Variants in FSIP1 observed in about 807,000 individuals in gnomAD.
FSIP1 encodes fibrous sheath-interacting protein 1.
A neutral mutation model predicts 60.9 loss-of-function variants in FSIP1; 65 were observed. The ratio of observed to expected loss-of-function variants is 1.07; its 90% CI spans 0.87 to 1.31. The LOEUF (loss-of-function observed/expected upper bound fraction) is 1.31, where lower values mean the gene tolerates loss of function less well. Ranked by LOEUF, FSIP1 falls within the 40% of genes most tolerant of loss-of-function variation. FSIP1 has a pLI of 0.00. For missense variants in FSIP1, 675 were observed against 665.5 expected, an observed-to-expected ratio of 1.01 and a Z score of -0.16; for synonymous variants, 209 against 221.2, an observed-to-expected ratio of 0.94 and a Z score of 0.49.
rs55691651 is a variant in FSIP1, at chr15:39,744,777, TCACA to T, written c.560-2881_560-2878del. Among the ~76,000 whole-genome samples the T allele has an allele frequency of 5.8e-3, 802 of 137,790 alleles. 5 individuals carry two copies. Among genetic ancestry groups the T allele is most frequent in the African/African-American group, 0.017 (616 of 36,278 alleles). 90.4% of individuals were successfully genotyped at this position (137,790 alleles called of 152,430 possible). A position where few individuals can be genotyped will look rare whatever the true frequency, so the allele number is the denominator to read the frequency against. On this transcript the variant is annotated intron_variant, in intron 5 of 11. Coordinates refer to ENST00000350221, the MANE Select transcript of FSIP1 (RefSeq NM_152597.5). ...CTCTCTCTCTCTCTCTCCCCCTCAG[TCACA>T]CACACACACACACACACACACACAC...
chr15:39,650,775 T>G lies in FSIP1; in HGVS notation c.1189-32530A>C, dbSNP rs181076900. ...TGTACAATCCTATAAAGGTAAGAGC[T>G]AAACAATCAGATATCACCCCCAGAA... On this transcript the variant is annotated intron_variant, in intron 10 of 11. Coordinates refer to ENST00000350221, the MANE Select transcript of FSIP1 (RefSeq NM_152597.5). 1.2e-4 allele frequency among the ~76,000 whole-genome samples: 18 copies of G among 152,380 alleles called. No individual in the cohort carries two copies. The East Asian group carries it at 3.3e-3, about 28-fold the overall frequency.
At chr15:39,730,787 AG>A (rs534469525) in intron 8 of FSIP1, among the ~76,000 whole-genome samples, 88 of 152,290 alleles carry the variant, frequency 5.8e-4, no homozygotes, top group Middle Eastern at 3.4e-3. Flanking sequence ...AATGATTAAC[AG>A]GGACAGTGAT....
At chr15:39,755,155 A>G (rs72727081) in intron 5 of FSIP1, among the ~76,000 whole-genome samples, 13,621 of 152,140 alleles carry the variant, frequency 0.09, 721 homozygotes, top group African/African-American at 0.12. Flanking sequence ...TTAGGACTAG[A>G]AGAGTTAAAC....
intron 9 of FSIP1, among the ~76,000 whole-genome samples, chr15:39,725,786 ATT>A (rs201621001): frequency 0.025 from 3,560 of 143,352 alleles, 125 homozygotes; most frequent in African/African-American, 0.083. Flanking sequence ...CTTCTACCAG[ATT>A]TTTTTTTTTT....
intron 10 of FSIP1, among the ~76,000 whole-genome samples, chr15:39,699,077 A>G (rs967450992): frequency 6.6e-6 from 1 of 152,194 alleles, no homozygotes; most frequent in Non-Finnish European, 1.5e-5. Flanking sequence ...GCTCCAACTA[A>G]GAAGGGAAAA....
chr15:39,753,845 G>A (rs1360896546), intron 5 of FSIP1, among the ~76,000 whole-genome samples: 3 of 151,896 alleles, frequency 2.0e-5, no homozygotes, highest in Non-Finnish European at 4.4e-5. Flanking sequence ...AATTATAAAT[G>A]TCTAAAAAGT....
chr15:39,673,481 T>A (rs960480984), intron 10 of FSIP1, among the ~76,000 whole-genome samples: 1 of 151,634 alleles, frequency 6.6e-6, no homozygotes, highest in Non-Finnish European at 1.5e-5. Flanking sequence ...ACCTGGTTAT[T>A]TTTTTTTATT....
intron 5 of FSIP1, among the ~76,000 whole-genome samples, chr15:39,759,820 T>C (rs1897433761): frequency 6.6e-6 from 1 of 152,188 alleles, no homozygotes; most frequent in Non-Finnish European, 1.5e-5. Context: ...CCTTTTCCTC[T>C]TCCTTATCTA....
At chr15:39,729,278 C>T (rs1015803812) in intron 8 of FSIP1, among the ~76,000 whole-genome samples, 1 of 152,202 alleles carries the variant, frequency 6.6e-6, no homozygotes, top group Non-Finnish European at 1.5e-5. Context: ...ACCATAAAGA[C>T]ATATGCATGC....
intron 10 of FSIP1, among the ~76,000 whole-genome samples, chr15:39,666,062 G>A (rs946688550): frequency 1.3e-5 from 2 of 152,160 alleles, no homozygotes; most frequent in East Asian, 3.8e-4. Context: ...CAGCAATTTG[G>A]AGCCTCTGGT....
rs73395207 is a variant in FSIP1 at position 39,675,510 on chromosome 15, C to G, written c.1188+37934G>C. Among the ~76,000 whole-genome samples the G allele has an allele frequency of 9.4e-3, 1,425 of 152,106 alleles. 20 individuals are homozygous for G. Among genetic ancestry groups the G allele is most frequent in the African/African-American group, 0.032 (1,346 of 41,462 alleles). ...TTCTCACTATGGAATGTTATACAGT[C>G]CTAAAAAAGGGTGCACCACTGCATA... On this transcript the variant is annotated intron_variant, in intron 10 of 11. Transcript: ENST00000350221.
intron 10 of FSIP1, among the ~76,000 whole-genome samples, chr15:39,632,519 G>A (rs1021516682): frequency 3.3e-5 from 5 of 152,074 alleles, no homozygotes; most frequent in Admixed American, 1.3e-4. Flanking sequence ...TCTTGGCCAG[G>A]CATGGTGGCT....
intron 10 of FSIP1, among the ~76,000 whole-genome samples, chr15:39,674,190 G>C (rs945544436): frequency 5.9e-5 from 9 of 152,000 alleles, no homozygotes; most frequent in Non-Finnish European, 1.3e-4. Context: ...AAGTAGCTGG[G>C]ACTACAGGCA....
intron 10 of FSIP1, among the ~76,000 whole-genome samples, chr15:39,665,487 GACAAGCAGGGTA>G (rs1893460795): frequency 2.0e-5 from 3 of 152,138 alleles, no homozygotes; most frequent in African/African-American, 7.2e-5. Context: ...TCATGAAGTA[GACAAGCAGGGTA>G]CCACTTAACA....
At chr15:39,747,658 C>T (rs1297892203) in intron 5 of FSIP1, among the ~76,000 whole-genome samples, 1 of 152,126 alleles carries the variant, frequency 6.6e-6, no homozygotes, top group Non-Finnish European at 1.5e-5. Flanking sequence ...TCCCTAGTTA[C>T]TATATTTTTC....
At chr15:39,762,513 C>T (rs965983335) in intron 5 of FSIP1, among the ~76,000 whole-genome samples, 3 of 152,166 alleles carry the variant, frequency 2.0e-5, no homozygotes, top group Non-Finnish European at 4.4e-5. Context: ...TCCAAGTGGA[C>T]ATGAATTTGA....
intron 9 of FSIP1, among the ~76,000 whole-genome samples, chr15:39,715,732 G>A (rs1190899026): frequency 6.6e-6 from 1 of 152,132 alleles, no homozygotes; most frequent in Non-Finnish European, 1.5e-5. Context: ...CCTGGTGGGA[G>A]GTGATTGGGT....
At chr15:39,754,139 C>A (rs1001831911) in intron 5 of FSIP1, among the ~76,000 whole-genome samples, 1 of 152,040 alleles carries the variant, frequency 6.6e-6, no homozygotes, top group African/African-American at 2.4e-5. Flanking sequence ...AGGACATACA[C>A]GCATCCTATG....
chr15:39,659,390 A>C (rs1455043486), intron 10 of FSIP1, among the ~76,000 whole-genome samples: 3 of 152,018 alleles, frequency 2.0e-5, no homozygotes, highest in Non-Finnish European at 2.9e-5. Flanking sequence ...AAAATACGAA[A>C]AATTAGCCAG....
Sources: gnomAD v4.1 joint callset for allele counts (sites outside exome capture counted in the v4.1 genomes callset) on GRCh38, gnomAD v4.1.1 for gene constraint, MANE v1.5 for transcripts, NCBI Gene and HGNC (gene_info 2026-07-23, HGNC 2026-07-21) for gene names.